Variants in CPS1 observed in about 807,000 individuals in gnomAD.
CPS1 encodes the protein carbamoyl-phosphate synthase 1.
CPS1 carries 109 observed loss-of-function variants against 174.6 expected under a neutral mutation model. That is an observed-to-expected ratio of 0.62 (90% CI 0.53 to 0.73). The LOEUF is 0.73. Ranked by LOEUF, CPS1 falls within the 30% of genes least tolerant of loss-of-function variation. The pLI, the probability that CPS1 is intolerant of heterozygous loss-of-function variation, is 0.00. For missense variants in CPS1, 1,689 were observed against 1,821.9 expected (o/e 0.93, Z 1.33); for synonymous variants, 637 against 632.0 (o/e 1.01, Z -0.12).
Position 210,660,521 on chromosome 2 carries a change from C to G in CPS1, c.3793C>G (p.Pro1265Ala). ...TAACTTGAGAGCTTCTCGATCCTTC[C>G]CCTTTGTTTCCAAGACTCTTGGGGT... ...ECNLRASRSF[P>A]FVSKTLGVDF... Residue 1265 changes from proline to alanine, a missense_variant, in exon 32 of 38, where the codon CCC becomes GCC. Transcript: ENST00000233072. 1 of 1,614,078 alleles carries G rather than the reference C, an allele frequency of 6.2e-7. No individual in the cohort carries two copies. The highest frequency in any genetic ancestry group is 8.5e-7 in the Non-Finnish European group (1 of 1,179,982).
intron 5 of CPS1, 83 bp downstream of exon 5, chr2:210,579,853 A>G: frequency 8.2e-6 from 9 of 1,099,762 alleles, no homozygotes; most frequent in Non-Finnish European, 1.1e-5. Flanking sequence ...CTCAGTGCCT[A>G]AGGGATCCAT....
chr2:210,663,237 A>G, intron 33 of CPS1, 40 bp downstream of exon 33: 4 of 1,557,212 alleles, frequency 2.6e-6, no homozygotes, highest in African/African-American at 2.7e-5. Context: ...CATTAAATCT[A>G]CTTTGAAATC....
chr2:210,626,938 T>A lies in CPS1; in HGVS notation c.2687+10397T>A, dbSNP rs184263114. On this transcript the variant is annotated intron_variant, in intron 21 of 37. Transcript: ENST00000233072. The stretch of plus-strand genomic sequence containing the variant: ...TATTTTTATGGATGGTGAAACTGAA[T>A]CACACGAGGTGTGTGTCATACTTTA... 4.6e-5 allele frequency among the ~76,000 whole-genome samples: 7 copies of A among 152,280 alleles called. No individual in the cohort carries two copies. The East Asian group carries it at 1.3e-3, about 29-fold the overall frequency.
At chr2:210,631,626 G>A (rs1295408687) in intron 21 of CPS1, among the ~76,000 whole-genome samples, 1 of 152,166 alleles carries the variant, frequency 6.6e-6, no homozygotes, top group Non-Finnish European at 1.5e-5. Context: ...GAAAGAAACT[G>A]AAGATTATGA....
chr2:210,570,733 G>A (rs1697450130), intron 1 of CPS1, among the ~76,000 whole-genome samples: 1 of 144,418 alleles, frequency 6.9e-6, no homozygotes, highest in Non-Finnish European at 1.6e-5. Context: ...GTTTACACAC[G>A]ATTTCCTCAA....
At chr2:210,648,177 T>TA (rs1700440960) in intron 26 of CPS1, 120 bp downstream of exon 26, 1 of 980,744 alleles carries the variant, frequency 1.0e-6, no homozygotes, top group African/African-American at 1.6e-5. Context: ...TGCATACACT[T>TA]AGTGAATTTA....
chr2:210,633,107 A>G (rs1699920175), intron 21 of CPS1, among the ~76,000 whole-genome samples: 1 of 152,202 alleles, frequency 6.6e-6, no homozygotes, highest in Admixed American at 6.5e-5. Context: ...CTATGTAGAA[A>G]GTTTTCACTC....
At chr2:210,583,420 T>C (rs577058649) in intron 6 of CPS1, among the ~76,000 whole-genome samples, 1 of 152,254 alleles carries the variant, frequency 6.6e-6, no homozygotes, top group Non-Finnish European at 1.5e-5. Flanking sequence ...TGATAAATGC[T>C]GTCCTTGGAG....
intron 4 of CPS1, among the ~76,000 whole-genome samples, chr2:210,578,275 A>ATT (rs572582353): frequency 6.6e-6 from 1 of 151,776 alleles, no homozygotes; most frequent in African/African-American, 2.4e-5. Context: ...TGCCCGGCTA[A>ATT]TTTTTTGTAT....
chr2:210,556,251 C>T (rs1256753716), upstream of CPS1: 9 of 426,846 alleles, frequency 2.1e-5, no homozygotes, highest in South Asian at 1.3e-4. Flanking sequence ...AAATGGCAAG[C>T]GTTCAGCTTT....
intron 1 of CPS1, among the ~76,000 whole-genome samples, chr2:210,498,483 C>G (rs1304139096): frequency 6.6e-6 from 1 of 152,018 alleles, no homozygotes; most frequent in Admixed American, 6.5e-5. Flanking sequence ...TATGGAAATG[C>G]TAGTGAGTTT....
chr2:210,525,063 A>G (rs1476382129), intron 1 of CPS1, among the ~76,000 whole-genome samples: 3 of 151,894 alleles, frequency 2.0e-5, no homozygotes, highest in Non-Finnish European at 1.5e-5. Context: ...CCGTAGTAAT[A>G]AGAACTAAGG....
chr2:210,647,921 C>T lies in CPS1; in HGVS notation c.3200C>T (p.Pro1067Leu), dbSNP rs143697440. ...CAGATTCCAAACAACCTGGCAGTTC[C>T]TCTATACAAGAATGGTGTCAAGATC... is the stretch of plus-strand genomic sequence containing the variant. The part of the protein sequence containing the change: ...GGQIPNNLAV[P>L]LYKNGVKIMG... Residue 1067 changes from proline (P) to leucine (L), a missense_variant, in exon 26 of 38, where the codon CCT (proline) becomes CTT (leucine). Physicochemically the swap from Pro to Leu is moderately conservative, Grantham distance 98. Transcript: ENST00000233072. 2 of 1,614,036 alleles carry T rather than the reference C, an allele frequency of 1.2e-6. No individual in the cohort carries two copies. The highest frequency in any genetic ancestry group is 1.7e-6 in the Non-Finnish European group (2 of 1,179,954).
At chr2:210,664,632 C>T (rs753578902) in intron 33 of CPS1, among the ~76,000 whole-genome samples, 1 of 152,114 alleles carries the variant, frequency 6.6e-6, no homozygotes, top group Non-Finnish European at 1.5e-5. Context: ...TTTTCTTTAG[C>T]ATGGCAAATT....
chr2:210,633,331 A>G (rs1297914459), intron 21 of CPS1, among the ~76,000 whole-genome samples: 1 of 152,098 alleles, frequency 6.6e-6, no homozygotes, highest in Non-Finnish European at 1.5e-5. Flanking sequence ...CACAAGGCCA[A>G]TTCTTATCAA....
intron 15 of CPS1, among the ~76,000 whole-genome samples, chr2:210,601,110 A>T (rs1342173562): frequency 6.6e-6 from 1 of 151,912 alleles, no homozygotes; most frequent in Non-Finnish European, 1.5e-5. Context: ...AATTTTTTTT[A>T]AATAAAATAA....
intron 1 of CPS1, among the ~76,000 whole-genome samples, chr2:210,533,747 A>G (rs536151414): frequency 6.6e-6 from 1 of 152,294 alleles, no homozygotes; most frequent in African/African-American, 2.4e-5. Context: ...TTTGCAGTTT[A>G]GAGGCTTCTT....
chr2:210,638,339 C>T (rs904301295), intron 22 of CPS1, among the ~76,000 whole-genome samples: 1 of 151,966 alleles, frequency 6.6e-6, no homozygotes, highest in East Asian at 1.9e-4. Flanking sequence ...ATAATGAGCT[C>T]ATCTAGTATT....
rs1371656652 is a variant in CPS1, at chr2:210,660,520, C to T, written c.3792C>T (p.Phe1264=). ...GTAACTTGAGAGCTTCTCGATCCTT[C>T]CCCTTTGTTTCCAAGACTCTTGGGG... is the stretch of plus-strand genomic sequence containing the variant. ...IECNLRASRS[F]PFVSKTLGVD... is the part of the protein sequence containing the mutation. Residue 1264 remains phenylalanine (F), a synonymous_variant, in exon 32 of 38, where the codon TTC becomes TTT. Transcript: ENST00000233072. The T allele has an allele frequency of 1.9e-6, 3 of 1,614,024 alleles. No individual in the cohort carries two copies. In the African/African-American group the frequency reaches 4.0e-5, roughly 22 times the overall value.
Sources: gnomAD v4.1 joint callset for allele counts (sites outside exome capture counted in the v4.1 genomes callset) on GRCh38, gnomAD v4.1.1 for gene constraint, MANE v1.5 for transcripts, NCBI Gene and HGNC (gene_info 2026-07-23, HGNC 2026-07-21) for gene names.